The following VMP1 variants were observed in gnomAD, a reference collection of about 807,000 sequenced individuals.
VMP1 encodes vacuole membrane protein 1.
VMP1 carries 11 observed loss-of-function variants against 56.0 expected under a neutral mutation model. That is an observed-to-expected ratio of 0.20 (90% CI 0.12 to 0.32). The LOEUF is 0.32. Ranked by LOEUF, VMP1 falls within the 10% of genes least tolerant of loss-of-function variation. The pLI is 1.00. For synonymous variants in VMP1, 149 were observed against 165.0 expected (o/e 0.90, Z 0.74); for missense variants, 296 against 490.3 (o/e 0.60, Z 3.74).
At chr17:59,738,574 T>C (rs2143834765) in intron 4 of VMP1, among the ~76,000 whole-genome samples, 1 of 152,380 alleles carries the variant, frequency 6.6e-6, no homozygotes, top group Middle Eastern at 3.4e-3. Context: ...TCCTGTGTCC[T>C]GTAAATAGTA....
At position 59,841,191 on chromosome 17, in the gene VMP1, G is replaced by GT. The variant is rs1043613187; in HGVS notation, c.*1287dup. ...GTTTTTTTGGTTTGTTTTTGTTTTT[G>GT]TTTTTTTATCAAATCCTGCCTGACT... is the stretch of plus-strand genomic sequence containing the variant. On this transcript the variant is annotated 3_prime_UTR_variant, in exon 12 of 12. Coordinates refer to ENST00000262291, the MANE Select transcript of VMP1 (RefSeq NM_030938.5). The GT allele has an allele frequency of 9.4e-5, 39 of 413,430 alleles. No individual in the cohort carries two copies. The highest frequency in any genetic ancestry group is 3.3e-4 in the Admixed American group (14 of 42,604). The allele number at this position is 413,430 out of a possible 1,614,324, so 25.6% of individuals were successfully genotyped here.
At chr17:59,718,519 C>T (rs546047979) in intron 1 of VMP1, among the ~76,000 whole-genome samples, 1 of 150,416 alleles carries the variant, frequency 6.6e-6, no homozygotes, top group African/African-American at 2.4e-5. Context: ...CTTTTCCTTT[C>T]TCTTAACACG....
chr17:59,785,061 T>C (rs1003291922), intron 7 of VMP1: 1 of 152,172 alleles, frequency 6.6e-6, no homozygotes, highest in African/African-American at 2.4e-5. Context: ...AAGAACTTAT[T>C]TGCATGATGT....
At chr17:59,757,046 G>A (rs1456798705) in intron 5 of VMP1, among the ~76,000 whole-genome samples, 2 of 152,102 alleles carry the variant, frequency 1.3e-5, no homozygotes, top group Non-Finnish European at 2.9e-5. Flanking sequence ...ATATTAAGCA[G>A]CAGTGTACAT....
chr17:59,709,682 A>G lies in VMP1; in HGVS notation c.-27+1934A>G, dbSNP rs73333037. ...CCCCACCTTTGAAAGTTAGCAAAGA[A>G]TAGTTTGATACCGTGATCCATTGAA... is the stretch of plus-strand genomic sequence containing the variant. On this transcript the variant is annotated intron_variant, in intron 1 of 11. Transcript: ENST00000262291. 8.3e-3 allele frequency among the ~76,000 whole-genome samples: 1,266 copies of G among 152,318 alleles called. 17 individuals carry two copies. The highest frequency in any genetic ancestry group is 0.028 in the African/African-American group (1,181 of 41,560).
intron 7 of VMP1, among the ~76,000 whole-genome samples, chr17:59,779,246 C>T (rs911751889): frequency 3.9e-5 from 6 of 152,194 alleles, no homozygotes; most frequent in South Asian, 2.1e-4. Context: ...TGTTGCTCAA[C>T]TCACTTTCTG....
chr17:59,821,713 C>A (rs192731625), intron 10 of VMP1, among the ~76,000 whole-genome samples: 382 of 151,146 alleles, frequency 2.5e-3, no homozygotes, highest in Non-Finnish European at 4.1e-3. Context: ...CCATCATGCC[C>A]GGCTAATTTT....
chr17:59,738,339 G>A (rs1222403578), intron 4 of VMP1, among the ~76,000 whole-genome samples: 1 of 152,164 alleles, frequency 6.6e-6, no homozygotes, highest in African/African-American at 2.4e-5. Context: ...ATTTTAACAG[G>A]AAATGGTTCT....
At chr17:59,779,595 C>T (rs893806500) in intron 7 of VMP1, among the ~76,000 whole-genome samples, 1 of 152,150 alleles carries the variant, frequency 6.6e-6, no homozygotes, top group African/African-American at 2.4e-5. Context: ...AGATTGAGTT[C>T]TCATTTCTGT....
At chr17:59,719,069 A>G (rs887759666) in intron 1 of VMP1, among the ~76,000 whole-genome samples, 1 of 152,192 alleles carries the variant, frequency 6.6e-6, no homozygotes, top group East Asian at 1.9e-4. Context: ...GGAAAACTAT[A>G]TCAAAGCCTC....
intron 7 of VMP1, among the ~76,000 whole-genome samples, chr17:59,803,507 G>T (rs1197963693): frequency 1.3e-5 from 2 of 152,154 alleles, no homozygotes; most frequent in East Asian, 1.9e-4. Context: ...AGTAGAAAAT[G>T]ATTTGTAATT....
chr17:59,778,261 G>C (rs1269307990), intron 7 of VMP1, among the ~76,000 whole-genome samples: 2 of 152,048 alleles, frequency 1.3e-5, no homozygotes, highest in African/African-American at 4.8e-5. Flanking sequence ...GGCACTTAAG[G>C]CCGGGCGCAG....
chr17:59,784,884 TA>T (rs1334296280), intron 7 of VMP1: 1 of 152,176 alleles, frequency 6.6e-6, no homozygotes, highest in Non-Finnish European at 1.5e-5. Flanking sequence ...AAAATTTTTT[TA>T]TTTTTTTAGA....
At chr17:59,797,546 C>T (rs191234124) in intron 7 of VMP1, among the ~76,000 whole-genome samples, 6 of 152,092 alleles carry the variant, frequency 3.9e-5, no homozygotes, top group Non-Finnish European at 7.4e-5. Flanking sequence ...GCCAAAGAAG[C>T]CAGACATAAA....
chr17:59,712,011 A>C (rs1227332985), intron 1 of VMP1, among the ~76,000 whole-genome samples: 1 of 152,010 alleles, frequency 6.6e-6, no homozygotes, highest in Admixed American at 6.6e-5. Flanking sequence ...CAACTCTTGG[A>C]TTAGTTACTT....
intron 7 of VMP1, among the ~76,000 whole-genome samples, chr17:59,784,043 T>C (rs927300712): frequency 1.3e-5 from 2 of 152,028 alleles, no homozygotes; most frequent in African/African-American, 4.8e-5. Flanking sequence ...TTTTATCCTC[T>C]GTATTGATGG....
chr17:59,798,882 G>A lies in VMP1; in HGVS notation c.715-9914G>A, dbSNP rs528497191. 4.6e-5 allele frequency among the ~76,000 whole-genome samples: 7 copies of A among 152,084 alleles called. No homozygotes were observed. The South Asian group carries it at 1.2e-3, about 27-fold the overall frequency. ...GCCTGAGCAACAAGAGCGAAACTCC[G>A]TCTCAAAAGAAAAAAATAAAAAGAA... On this transcript the variant is annotated intron_variant, in intron 7 of 11. Coordinates refer to ENST00000262291, the MANE Select transcript of VMP1 (RefSeq NM_030938.5).
rs1182837899 is a variant in VMP1, at chr17:59,841,288, A to T, written c.*1377A>T. 1.9e-6 allele frequency: 1 copy of T among 513,566 alleles called. No homozygotes were observed. The highest frequency in any genetic ancestry group is 5.6e-5 in the East Asian group (1 of 17,806). The allele number at this position is 513,566 out of a possible 1,614,324, so 31.8% of individuals were successfully genotyped here. ...CCTTGTCGGGTAGCTTATCAGACTGATGTTGACTGTTGAATCTCATGGCAA... is the reference window on the plus strand; with the variant it reads ...CCTTGTCGGGTAGCTTATCAGACTGTTGTTGACTGTTGAATCTCATGGCAA... On this transcript the variant is annotated 3_prime_UTR_variant, in exon 12 of 12. Transcript: ENST00000262291.
intron 6 of VMP1, among the ~76,000 whole-genome samples, chr17:59,768,138 A>G (rs1319506141): frequency 6.6e-6 from 1 of 152,142 alleles, no homozygotes; most frequent in African/African-American, 2.4e-5. Context: ...TTTTTTTGAA[A>G]AAGTTTTCCA....
Sources: allele counts gnomAD v4.1 joint callset (sites outside exome capture counted in the v4.1 genomes callset), GRCh38; gene constraint gnomAD v4.1.1; transcripts MANE v1.5; gene names NCBI Gene and HGNC (gene_info 2026-07-23, HGNC 2026-07-21).